TCEA1: variants seen among roughly 807,000 people sequenced by gnomAD.
TCEA1 encodes the protein transcription elongation factor A protein 1.
In TCEA1, 21 loss-of-function variants were observed where a neutral mutation model predicts 43.8. The ratio of observed to expected loss-of-function variants is 0.48; its 90% confidence interval spans 0.34 to 0.69. The LOEUF is 0.69. Ranked by LOEUF, TCEA1 falls within the 30% of genes least tolerant of loss-of-function variation. TCEA1 has a pLI of 0.01. For missense variants in TCEA1, 250 were observed against 365.1 expected (o/e 0.68, Z 2.57); for synonymous variants, 104 against 117.5 (o/e 0.88, Z 0.75).
chr8:53,999,224 CAAAAAAAAAAAA>C (rs57357613), intron 3 of TCEA1, among the ~76,000 whole-genome samples: 35 of 64,550 alleles, frequency 5.4e-4, no homozygotes, highest in Non-Finnish European at 8.9e-4. Context: ...GACTCAGTCT[CAAAAAAAAAAAA>C]AAAAAAAAAA....
At chr8:53,972,776 C>T (rs1803198215) in intron 8 of TCEA1, 2 of 716,146 alleles carry the variant, frequency 2.8e-6, no homozygotes, top group East Asian at 5.2e-5. Flanking sequence ...CAGTAGTAGA[C>T]TGTGATTCTC....
chr8:54,006,607 T>G (rs1241820099), intron 2 of TCEA1, among the ~76,000 whole-genome samples: 1 of 152,256 alleles, frequency 6.6e-6, no homozygotes, highest in Non-Finnish European at 1.5e-5. Flanking sequence ...TCTCTAACTC[T>G]ACACGTGCCT....
chr8:53,976,210 C>CA (rs2129299572), intron 8 of TCEA1, among the ~76,000 whole-genome samples: 1 of 152,208 alleles, frequency 6.6e-6, no homozygotes, highest in African/African-American at 2.4e-5. Flanking sequence ...CTTCAAAGAT[C>CA]AAAGGTTCAT....
chr8:53,972,942 A>AAT (rs1803208773), intron 8 of TCEA1: 5 of 662,090 alleles, frequency 7.6e-6, no homozygotes, highest in Middle Eastern at 4.0e-4. Context: ...ATATAAACTA[A>AAT]ATATATATCA....
At chr8:54,004,691 G>A (rs1804382779) in intron 2 of TCEA1, among the ~76,000 whole-genome samples, 1 of 151,816 alleles carries the variant, frequency 6.6e-6, no homozygotes, top group Non-Finnish European at 1.5e-5. Flanking sequence ...TAATTGTGGT[G>A]ATAGTACCAG....
At chr8:54,017,472 C>A (rs977791304) in intron 1 of TCEA1, among the ~76,000 whole-genome samples, 3 of 152,138 alleles carry the variant, frequency 2.0e-5, no homozygotes, top group Admixed American at 6.6e-5. Flanking sequence ...TCCTTTATTT[C>A]TTTTCTTTTC....
intron 6 of TCEA1, among the ~76,000 whole-genome samples, chr8:53,986,052 G>A (rs1390753810): frequency 6.6e-6 from 1 of 152,132 alleles, no homozygotes; most frequent in Non-Finnish European, 1.5e-5. Flanking sequence ...TGAAGAATAA[G>A]ACTTTGAATT....
chr8:53,981,105 C>T (rs1803486749), intron 7 of TCEA1, among the ~76,000 whole-genome samples: 1 of 152,126 alleles, frequency 6.6e-6, no homozygotes, highest in African/African-American at 2.4e-5. Flanking sequence ...GAAGAAAAGT[C>T]AAGAGGCTAC....
At chr8:54,000,652 C>T (rs1804225921) in intron 2 of TCEA1, among the ~76,000 whole-genome samples, 1 of 152,150 alleles carries the variant, frequency 6.6e-6, no homozygotes, top group Non-Finnish European at 1.5e-5. Flanking sequence ...ATCTTTCTAA[C>T]AACCCTTCAA....
At chr8:53,984,040 C>T (rs569833075) in intron 7 of TCEA1, among the ~76,000 whole-genome samples, 11 of 152,230 alleles carry the variant, frequency 7.2e-5, no homozygotes, top group African/African-American at 1.4e-4. Context: ...GGGGAGGTTG[C>T]GGTGGGCCAA....
chr8:53,978,925 T>C lies in TCEA1; in HGVS notation c.825+100A>G, dbSNP rs185372376. On this transcript the variant is annotated intron_variant, in intron 8 of 9. Coordinates refer to ENST00000521604, the MANE Select transcript of TCEA1 (RefSeq NM_006756.4). ...TAGAACATATCCCTCCATGGATAAG[T>C]GAGGGACTATCATACTGGTAATTAT... 8.2e-6 allele frequency: 11 copies of C among 1,340,982 alleles called. No individual in the cohort carries two copies. In the Admixed American group the frequency reaches 1.7e-4, roughly 20 times the overall value. The allele number at this position is 1,340,982 out of a possible 1,614,324, so 83.1% of individuals were successfully genotyped here.
At chr8:53,999,828 G>GT in intron 3 of TCEA1, 117 bp downstream of exon 3, 3 of 727,590 alleles carry the variant, frequency 4.1e-6, no homozygotes, top group Non-Finnish European at 7.0e-6. Flanking sequence ...ACTGCTTTCA[G>GT]TATATCTAGA....
intron 8 of TCEA1, among the ~76,000 whole-genome samples, chr8:53,975,789 G>T (rs1342479697): frequency 9.9e-5 from 15 of 152,158 alleles, no homozygotes; most frequent in Admixed American, 9.8e-4. Context: ...TTTGCAAGAG[G>T]AAAAGTGTTC....
At chr8:53,974,713 G>C (rs1424464212) in intron 8 of TCEA1, among the ~76,000 whole-genome samples, 1 of 152,058 alleles carries the variant, frequency 6.6e-6, no homozygotes, top group African/African-American at 2.4e-5. Context: ...ATTTTTAGTA[G>C]AGATGGGGGT....
chr8:54,017,079 G>T (rs1161868410), intron 1 of TCEA1, among the ~76,000 whole-genome samples: 1 of 152,010 alleles, frequency 6.6e-6, no homozygotes, highest in African/African-American at 2.4e-5. Context: ...TCCAGATTTG[G>T]CAAACACACA....
intron 4 of TCEA1, among the ~76,000 whole-genome samples, chr8:53,992,695 G>C (rs1803918324): frequency 6.6e-6 from 1 of 152,188 alleles, no homozygotes; most frequent in Non-Finnish European, 1.5e-5. Context: ...TTTCTAACAA[G>C]CTGTCAGGTT....
rs757079676 is a variant in TCEA1 at position 53,993,674 on chromosome 8, T to C, written c.314A>G (p.Glu105Gly). The C allele has an allele frequency of 4.3e-6, 7 of 1,611,822 alleles. No individual in the cohort carries two copies. The highest frequency in any genetic ancestry group is 5.9e-6 in the Non-Finnish European group (7 of 1,179,002). ...ITSQNSPEAR[E>G]ESTSSGNVSN... is the part of the protein sequence containing the mutation. ...TGTCTATACTGTGAAGTACCTTTCT[T>C]CTCTTGCCTCAGGGCTGTTCTGCGA... The change falls in exon 4 of 10, where the codon GAA becomes GGA. Residue 105 changes from glutamate to glycine, a missense_variant. This residue lies in a region of TCEA1 where 147 missense variants were observed against 160.3 expected (regional missense o/e 0.92). Transcript: ENST00000521604.
At chr8:53,977,045 C>T (rs983945827) in intron 8 of TCEA1, among the ~76,000 whole-genome samples, 6 of 152,180 alleles carry the variant, frequency 3.9e-5, no homozygotes, top group African/African-American at 1.4e-4. Flanking sequence ...AAAGGCTGGG[C>T]GTGGTGGCTC....
chr8:53,980,982 C>T (rs956914697), intron 7 of TCEA1, among the ~76,000 whole-genome samples: 3 of 152,148 alleles, frequency 2.0e-5, no homozygotes, highest in African/African-American at 4.8e-5. Flanking sequence ...GATATGAAAA[C>T]GTTTTAGTGG....
Sources: allele counts gnomAD v4.1 joint callset (sites outside exome capture counted in the v4.1 genomes callset), GRCh38; gene constraint gnomAD v4.1.1; regional missense constraint gnomAD v4.1.1; transcripts MANE v1.5; gene names NCBI Gene and HGNC (gene_info 2026-07-23, HGNC 2026-07-21).